IQGAP2: variants seen among roughly 807,000 people sequenced by gnomAD.
IQGAP2 encodes the protein ras GTPase-activating-like protein IQGAP2.
A neutral mutation model predicts 201.3 loss-of-function variants in IQGAP2; 173 were observed. The observed-to-expected ratio is 0.86, with a 90% confidence interval of 0.76 to 0.98. The LOEUF is 0.98. IQGAP2 is among the 50% of genes least tolerant of loss of function. The pLI is 0.00. For missense variants in IQGAP2, 1,687 were observed against 1,864.8 expected, an observed-to-expected ratio of 0.90 and a Z score of 1.76; for synonymous variants, 675 against 673.9, an observed-to-expected ratio of 1.00 and a Z score of -0.03.
chr5:76,480,622 T>C (rs1490049694), intron 2 of IQGAP2, among the ~76,000 whole-genome samples: 6 of 152,224 alleles, frequency 3.9e-5, no homozygotes, highest in African/African-American at 1.4e-4. Flanking sequence ...TTCCATATTA[T>C]TGTTCTGTAT....
intron 32 of IQGAP2, among the ~76,000 whole-genome samples, chr5:76,696,862 GAAGAATTCTA>G (rs1486127876): frequency 2.9e-5 from 2 of 69,006 alleles, no homozygotes; most frequent in Admixed American, 1.3e-4. Context: ...TCTATTTAAT[GAAGAATTCTA>G]TTTAATGAAG....
chr5:76,565,914 C>G (rs1431853889), intron 3 of IQGAP2, among the ~76,000 whole-genome samples: 1 of 152,168 alleles, frequency 6.6e-6, no homozygotes, highest in Non-Finnish European at 1.5e-5. Context: ...GGCAGCATCT[C>G]TTGACCCAGG....
intron 13 of IQGAP2, chr5:76,615,335 C>T (rs1391945214): frequency 1.3e-5 from 2 of 152,126 alleles, no homozygotes; most frequent in East Asian, 3.8e-4. Context: ...CTTCTTGAAA[C>T]TTACTTTAGG....
chr5:76,606,442 T>A (rs1747811747), intron 12 of IQGAP2, 139 bp downstream of exon 12: 3 of 554,652 alleles, frequency 5.4e-6, no homozygotes, highest in Non-Finnish European at 9.1e-6. Context: ...ATACCTTTAT[T>A]TATAGGTAGA....
intron 2 of IQGAP2, among the ~76,000 whole-genome samples, chr5:76,536,137 C>T (rs1408256625): frequency 3.0e-5 from 4 of 135,210 alleles, no homozygotes; most frequent in Admixed American, 2.5e-4. Context: ...GGCACAATCT[C>T]GGCTCACTGC....
chr5:76,558,005 A>G (rs770866167), intron 2 of IQGAP2, among the ~76,000 whole-genome samples: 52 of 152,060 alleles, frequency 3.4e-4, no homozygotes, highest in Non-Finnish European at 7.1e-4. Flanking sequence ...GGGTTTCACC[A>G]TGTTGGCCAG....
chr5:76,519,974 G>A (rs1044322718), intron 2 of IQGAP2, among the ~76,000 whole-genome samples: 2 of 151,858 alleles, frequency 1.3e-5, no homozygotes, highest in African/African-American at 4.8e-5. Context: ...TTTTCTTTTA[G>A]TGTGTAGCTT....
intron 3 of IQGAP2, among the ~76,000 whole-genome samples, chr5:76,567,107 T>C (rs1744803503): frequency 6.6e-6 from 1 of 152,226 alleles, no homozygotes; most frequent in Non-Finnish European, 1.5e-5. Context: ...AGGGAAGGCA[T>C]GCACACAGTG....
intron 17 of IQGAP2, among the ~76,000 whole-genome samples, chr5:76,650,738 C>T (rs1382819041): frequency 6.6e-6 from 1 of 152,204 alleles, no homozygotes; most frequent in African/African-American, 2.4e-5. Flanking sequence ...TCGTCATTTA[C>T]ATTAGGTATT....
intron 4 of IQGAP2, among the ~76,000 whole-genome samples, chr5:76,574,216 C>T (rs1745315045): frequency 6.6e-6 from 1 of 152,000 alleles, no homozygotes; most frequent in South Asian, 2.1e-4. Context: ...TTTTAAAAGC[C>T]TCAAGCTTAA....
intron 2 of IQGAP2, among the ~76,000 whole-genome samples, chr5:76,480,467 T>C (rs998779859): frequency 6.6e-6 from 1 of 152,234 alleles, no homozygotes; most frequent in African/African-American, 2.4e-5. Flanking sequence ...ATCTTTTCTC[T>C]GCAGATTTCT....
intron 20 of IQGAP2, among the ~76,000 whole-genome samples, chr5:76,657,594 G>C (rs1742865193): frequency 6.6e-6 from 1 of 152,182 alleles, no homozygotes; most frequent in Admixed American, 6.5e-5. Flanking sequence ...GGCTGGACTA[G>C]CTCTTCCAAG....
chr5:76,448,316 G>A (rs1438550088), intron 1 of IQGAP2, among the ~76,000 whole-genome samples: 1 of 152,192 alleles, frequency 6.6e-6, no homozygotes, highest in Non-Finnish European at 1.5e-5. Context: ...AGCCTCACCT[G>A]CTGCTTCTAT....
intron 2 of IQGAP2, among the ~76,000 whole-genome samples, chr5:76,515,435 T>G (rs1758256568): frequency 1.3e-5 from 2 of 152,226 alleles, no homozygotes. Flanking sequence ...GAGTTGCATA[T>G]ATCCATTAAG....
chr5:76,567,351 G>A (rs943070151), intron 3 of IQGAP2, among the ~76,000 whole-genome samples: 4 of 152,244 alleles, frequency 2.6e-5, no homozygotes, highest in African/African-American at 9.6e-5. Flanking sequence ...GGGATGCTTA[G>A]TCAGTATGTC....
chr5:76,641,575 G>T (rs1247042491), intron 17 of IQGAP2, among the ~76,000 whole-genome samples: 2 of 152,096 alleles, frequency 1.3e-5, no homozygotes, highest in Non-Finnish European at 2.9e-5. Flanking sequence ...TCTTCATTTA[G>T]GCCTTCAGGA....
At chr5:76,681,267 A>G (rs555601781) in intron 28 of IQGAP2, among the ~76,000 whole-genome samples, 16 of 152,118 alleles carry the variant, frequency 1.1e-4, no homozygotes, top group Admixed American at 9.2e-4. Flanking sequence ...AAAGGACATA[A>G]TCAACTGAGT....
chr5:76,522,261 C>A (rs1758731672), intron 2 of IQGAP2, among the ~76,000 whole-genome samples: 1 of 151,556 alleles, frequency 6.6e-6, no homozygotes, highest in South Asian at 2.1e-4. Flanking sequence ...CGGCTCACTG[C>A]AACCTCTGCC....
intron 21 of IQGAP2, among the ~76,000 whole-genome samples, chr5:76,661,518 C>T (rs1322866607): frequency 6.6e-6 from 1 of 152,066 alleles, no homozygotes; most frequent in Non-Finnish European, 1.5e-5. Context: ...GCCAGTACTA[C>T]CTGAAACTCA....
Sources: gnomAD v4.1 joint callset for allele counts (sites outside exome capture counted in the v4.1 genomes callset) on GRCh38, gnomAD v4.1.1 for gene constraint, MANE v1.5 for transcripts, NCBI Gene and HGNC (gene_info 2026-07-23, HGNC 2026-07-21) for gene names.